The following ARMC3 variants were observed in gnomAD, a reference collection of about 807,000 sequenced individuals.
ARMC3 encodes the protein armadillo repeat containing 3.
ARMC3 carries 74 observed loss-of-function variants against 90.3 expected under a neutral mutation model. The ratio of observed to expected loss-of-function variants is 0.82; its 90% CI spans 0.68 to 0.99. ARMC3 has a LOEUF of 0.99. Among genes scored for constraint, ARMC3 ranks in the 50% least tolerant of loss-of-function variants. ARMC3 has a pLI of 0.00. For synonymous variants in ARMC3, 334 were observed against 361.8 expected, an observed-to-expected ratio of 0.92 and a Z score of 0.87; for missense variants, 958 against 1,042.8, an observed-to-expected ratio of 0.92 and a Z score of 1.12.
At chr10:22,993,083 C>T (rs564170781) in intron 10 of ARMC3, among the ~76,000 whole-genome samples, 1 of 152,180 alleles carries the variant, frequency 6.6e-6, no homozygotes, top group Non-Finnish European at 1.5e-5. Context: ...TCTGTTCCAT[C>T]GGGTTCCACA....
At chr10:22,989,480 A>G (rs558518812) in intron 10 of ARMC3, among the ~76,000 whole-genome samples, 24 of 151,742 alleles carry the variant, frequency 1.6e-4, no homozygotes, top group Admixed American at 9.8e-4. Context: ...GACTTTGTAT[A>G]ATAGATTTTG....
intron 3 of ARMC3, among the ~76,000 whole-genome samples, chr10:22,948,980 T>A (rs1312609354): frequency 6.6e-6 from 1 of 152,204 alleles, no homozygotes; most frequent in East Asian, 1.9e-4. Context: ...GGTGCTCACA[T>A]ACGGCTAGGA....
chr10:23,013,352 C>G (rs565228782), intron 16 of ARMC3, among the ~76,000 whole-genome samples: 1 of 152,236 alleles, frequency 6.6e-6, no homozygotes, highest in South Asian at 2.1e-4. Context: ...TCTTTATTTT[C>G]TTTACAGCTT....
intron 2 of ARMC3, among the ~76,000 whole-genome samples, chr10:22,939,985 T>C (rs1347447608): frequency 6.6e-6 from 1 of 152,194 alleles, no homozygotes; most frequent in Non-Finnish European, 1.5e-5. Flanking sequence ...AAAAAGTGAT[T>C]GTCCAACTGA....
intron 16 of ARMC3, among the ~76,000 whole-genome samples, chr10:23,017,767 A>AAAAACAAAAC (rs933078658): frequency 1.3e-5 from 2 of 152,262 alleles, no homozygotes; most frequent in African/African-American, 4.8e-5. Context: ...CTTCGTCTCA[A>AAAAACAAAAC]AAAACAAAAC....
chr10:22,989,779 C>T (rs187596968), intron 10 of ARMC3, among the ~76,000 whole-genome samples: 20 of 152,256 alleles, frequency 1.3e-4, no homozygotes, highest in Admixed American at 3.9e-4. Context: ...TTCTTTCTGC[C>T]CCTTAGAGCC....
chr10:22,968,498 C>T lies in ARMC3; in HGVS notation c.916+9C>T. 6.4e-7 allele frequency: 1 copy of T among 1,554,754 alleles called. No individual in the cohort carries two copies. The highest frequency in any genetic ancestry group is 1.4e-5 in the African/African-American group (1 of 72,260). On this transcript the variant is annotated intron_variant, in intron 8 of 18. Coordinates refer to ENST00000298032, the MANE Select transcript of ARMC3 (RefSeq NM_173081.5). ...TAAAGCAGCTTATGATCGTATGTCT[C>T]ATTTTATTTTATTTATTTTGAGATA... is the stretch of plus-strand genomic sequence containing the variant.
At chr10:23,001,164 G>A (rs946914663) in intron 11 of ARMC3, among the ~76,000 whole-genome samples, 6 of 152,118 alleles carry the variant, frequency 3.9e-5, no homozygotes, top group African/African-American at 9.7e-5. Context: ...TGCTGGCATC[G>A]GTTCATCCAG....
At chr10:22,983,954 G>A (rs146332188) in intron 10 of ARMC3, among the ~76,000 whole-genome samples, 1 of 152,254 alleles carries the variant, frequency 6.6e-6, no homozygotes, top group Non-Finnish European at 1.5e-5. Context: ...TTTAGTAGCG[G>A]TCCATTCAAT....
intron 7 of ARMC3, among the ~76,000 whole-genome samples, chr10:22,965,067 A>T (rs1281282804): frequency 6.6e-6 from 1 of 152,152 alleles, no homozygotes; most frequent in Non-Finnish European, 1.5e-5. Flanking sequence ...TTATATGTTC[A>T]TATGTGTTTG....
At chr10:22,981,520 A>T in intron 9 of ARMC3, 28 bp downstream of exon 9, 3 of 1,613,312 alleles carry the variant, frequency 1.9e-6, no homozygotes, top group Non-Finnish European at 2.5e-6. Context: ...AATTCTTTTG[A>T]GCATTTTTAG....
chr10:22,998,398 G>A lies in ARMC3; in HGVS notation c.1425+1G>A, dbSNP rs777610438. 3.1e-6 allele frequency: 5 copies of A among 1,613,540 alleles called. No individual in the cohort carries two copies. Among genetic ancestry groups the A allele is most frequent in the African/African-American group, 1.3e-5 (1 of 74,912 alleles). ...GTGTGACGTTGAAGCCCGGACTGAGGTGAGAATTTTAATAACATGTGTTCT... is the reference window on the plus strand; with the variant it reads ...GTGTGACGTTGAAGCCCGGACTGAGATGAGAATTTTAATAACATGTGTTCT... On this transcript the variant is annotated splice_donor_variant, in intron 11 of 18. Coordinates refer to ENST00000298032, the MANE Select transcript of ARMC3 (RefSeq NM_173081.5). LOFTEE classifies it high-confidence loss of function.
At chr10:22,964,263 G>C (rs1485879062) in intron 7 of ARMC3, among the ~76,000 whole-genome samples, 1 of 152,034 alleles carries the variant, frequency 6.6e-6, no homozygotes, top group Non-Finnish European at 1.5e-5. Context: ...GAACTAAAGA[G>C]ATAATATATG....
intron 3 of ARMC3, among the ~76,000 whole-genome samples, chr10:22,947,063 C>T (rs893603670): frequency 7.2e-5 from 11 of 151,914 alleles, no homozygotes; most frequent in African/African-American, 2.4e-4. Flanking sequence ...CCCAGCTACT[C>T]GGGAGGCTGA....
intron 16 of ARMC3, among the ~76,000 whole-genome samples, chr10:23,021,352 ATGGT>A (rs1026748684): frequency 3.3e-5 from 5 of 152,220 alleles, no homozygotes; most frequent in Admixed American, 6.5e-5. Context: ...GCTGGGTCAA[ATGGT>A]AGTTCTGTTT....
At chr10:22,971,177 G>A (rs115705381) in intron 8 of ARMC3, among the ~76,000 whole-genome samples, 195 of 152,238 alleles carry the variant, frequency 1.3e-3, no homozygotes, top group African/African-American at 4.5e-3. Context: ...TTGGCACGAT[G>A]TCCTTAAGTT....
intron 10 of ARMC3, among the ~76,000 whole-genome samples, chr10:22,990,649 TACTC>T (rs1836666449): frequency 6.6e-6 from 1 of 152,166 alleles, no homozygotes; most frequent in Non-Finnish European, 1.5e-5. Flanking sequence ...GCCCGGTGCT[TACTC>T]ACAGTCACAG....
chr10:23,031,917 C>T (rs1331382905), intron 17 of ARMC3, among the ~76,000 whole-genome samples: 2 of 151,946 alleles, frequency 1.3e-5, no homozygotes, highest in East Asian at 3.9e-4. Context: ...CATTGTTCTT[C>T]TTTGCTTGGT....
chr10:22,998,762 A>T (rs1837140264), intron 11 of ARMC3, among the ~76,000 whole-genome samples: 1 of 152,258 alleles, frequency 6.6e-6, no homozygotes, highest in African/African-American at 2.4e-5. Flanking sequence ...ATCTCATGTC[A>T]GTGAAAATGA....
Sources: allele counts gnomAD v4.1 joint callset (sites outside exome capture counted in the v4.1 genomes callset), GRCh38; gene constraint gnomAD v4.1.1; transcripts MANE v1.5; gene names NCBI Gene and HGNC (gene_info 2026-07-23, HGNC 2026-07-21).